RELN: variants seen among roughly 807,000 people sequenced by gnomAD.
RELN encodes the protein reelin.
RELN carries 108 observed loss-of-function variants against 427.6 expected under a neutral mutation model. That is an observed-to-expected ratio of 0.25 (90% confidence interval 0.22 to 0.30). RELN has a LOEUF of 0.30. RELN is among the 10% of genes least tolerant of loss of function. RELN has a pLI of 1.00. For synonymous variants in RELN, 1,524 were observed against 1,513.4 expected, an observed-to-expected ratio of 1.01 and a Z score of -0.16; for missense variants, 3,715 against 4,302.8, an observed-to-expected ratio of 0.86 and a Z score of 3.82.
intron 41 of RELN, among the ~76,000 whole-genome samples, chr7:103,545,938 TTCTG>T (rs1298190040): frequency 6.6e-6 from 1 of 152,204 alleles, no homozygotes; most frequent in African/African-American, 2.4e-5. Context: ...ACCCGGCCCC[TTCTG>T]TCTATTTAAT....
intron 2 of RELN, among the ~76,000 whole-genome samples, chr7:103,881,469 T>G (rs1187645985): frequency 6.7e-6 from 1 of 149,050 alleles, no homozygotes; most frequent in Non-Finnish European, 1.5e-5. Context: ...TCAACAAACC[T>G]AAAGCTCTTT....
At chr7:103,677,627 G>A (rs1034003375) in intron 11 of RELN, among the ~76,000 whole-genome samples, 9 of 150,312 alleles carry the variant, frequency 6.0e-5, no homozygotes, top group Non-Finnish European at 1.2e-4. Flanking sequence ...TTAGCTGGGC[G>A]TGGCGGTACG....
chr7:103,764,500 T>G (rs1313975664), intron 4 of RELN, among the ~76,000 whole-genome samples: 1 of 151,718 alleles, frequency 6.6e-6, no homozygotes, highest in Non-Finnish European at 1.5e-5. Flanking sequence ...GCTAGGGAGA[T>G]GAAAATTATA....
At chr7:103,829,710 T>A (rs1036832752) in intron 3 of RELN, among the ~76,000 whole-genome samples, 7 of 151,988 alleles carry the variant, frequency 4.6e-5, no homozygotes, top group African/African-American at 1.7e-4. Context: ...CAAATGACTA[T>A]GTGGCTAAGT....
Position 103,824,233 on chromosome 7 carries a change from A to T in RELN, c.473+9304T>A, listed in dbSNP as rs967631575. ...TTATTATTTTTATTCTCTCCTTCTA[A>T]AACTTCAATTAGATGTTAATTTCTT... On this transcript the variant is annotated intron_variant, in intron 3 of 64. Coordinates refer to ENST00000428762, the MANE Select transcript of RELN (RefSeq NM_005045.4). This position sits in a 1 kb window ranked among gnomAD's most constrained non-coding sequence, Gnocchi z 4.4. Among the ~76,000 whole-genome samples the T allele has an allele frequency of 2.0e-5, 3 of 152,050 alleles. No individual in the cohort carries two copies. Among genetic ancestry groups the T allele is most frequent in the African/African-American group, 7.2e-5 (3 of 41,412 alleles).
intron 19 of RELN, 100 bp downstream of exon 19, chr7:103,635,325 T>A: frequency 7.5e-7 from 1 of 1,326,626 alleles, no homozygotes; most frequent in Non-Finnish European, 1.1e-6. Context: ...GCTCCATCTG[T>A]CAATGGAAAA....
chr7:103,785,414 T>C (rs531596982), intron 3 of RELN, among the ~76,000 whole-genome samples: 2 of 152,108 alleles, frequency 1.3e-5, no homozygotes, highest in Admixed American at 6.6e-5. Flanking sequence ...GTCTGTAAAT[T>C]TGCTGAAAGA....
In RELN at chr7:103,519,312, C is replaced by G. The variant is rs753148540; in HGVS notation, c.7862+11G>C. The G allele has an allele frequency of 1.0e-5, 16 of 1,605,090 alleles. No homozygotes were observed. In the South Asian group the frequency reaches 1.4e-4, roughly 14 times the overall value. On this transcript the variant is annotated intron_variant, in intron 49 of 64. Transcript: ENST00000428762. Reference sequence around the variant, plus strand: ...ATGTACTCGTTATTAGATATCAAATCGAATACAAACCCGGGCTTACTGTAC... The same window carrying G: ...ATGTACTCGTTATTAGATATCAAATGGAATACAAACCCGGGCTTACTGTAC...
At chr7:103,884,312 C>T (rs2116570389) in intron 2 of RELN, among the ~76,000 whole-genome samples, 1 of 152,268 alleles carries the variant, frequency 6.6e-6, no homozygotes, top group East Asian at 1.9e-4. Flanking sequence ...AATGCAAGAC[C>T]TGAAACCATA....
intron 1 of RELN, among the ~76,000 whole-genome samples, chr7:103,925,513 G>A (rs891620965): frequency 1.3e-5 from 2 of 151,980 alleles, no homozygotes; most frequent in African/African-American, 4.8e-5. Context: ...TTTTATATGA[G>A]GCTGGATAAT....
intron 1 of RELN, among the ~76,000 whole-genome samples, chr7:103,957,045 G>A (rs1368307990): frequency 6.6e-6 from 1 of 152,156 alleles, no homozygotes; most frequent in Non-Finnish European, 1.5e-5. Flanking sequence ...AAAACTGGCA[G>A]TGTGCAGGGA....
chr7:103,876,259 A>C (rs1794475491), intron 2 of RELN, among the ~76,000 whole-genome samples: 1 of 152,150 alleles, frequency 6.6e-6, no homozygotes, highest in Non-Finnish European at 1.5e-5. Context: ...CCCTGCAAAT[A>C]CATTAGCTTC....
chr7:103,644,153 A>G (rs1055446170), intron 16 of RELN, among the ~76,000 whole-genome samples: 1 of 151,866 alleles, frequency 6.6e-6, no homozygotes, highest in African/African-American at 2.4e-5. Flanking sequence ...AAATAATGAG[A>G]TAGTTTCTTG....
intron 1 of RELN, among the ~76,000 whole-genome samples, chr7:103,947,657 T>C (rs949639058): frequency 6.6e-6 from 1 of 152,220 alleles, no homozygotes; most frequent in South Asian, 2.1e-4. Flanking sequence ...CAGTTTGTAG[T>C]ACTTTGTTAC....
At chr7:103,480,730 G>T (rs1404491134) in intron 63 of RELN, among the ~76,000 whole-genome samples, 2 of 152,148 alleles carry the variant, frequency 1.3e-5, no homozygotes, top group Non-Finnish European at 2.9e-5. Flanking sequence ...ATACATAAAA[G>T]CATATGGTGG....
chr7:103,646,019 G>C (rs1832789308), intron 16 of RELN, among the ~76,000 whole-genome samples: 1 of 151,688 alleles, frequency 6.6e-6, no homozygotes, highest in Non-Finnish European at 1.5e-5. Context: ...TAAACAACCT[G>C]CTCCTGAATG....
chr7:103,739,907 C>G (rs1263125259), intron 6 of RELN, among the ~76,000 whole-genome samples: 1 of 152,204 alleles, frequency 6.6e-6, no homozygotes, highest in African/African-American at 2.4e-5. Context: ...AACAGCAGAA[C>G]AGTCTCCATG....
intron 3 of RELN, among the ~76,000 whole-genome samples, chr7:103,786,315 T>C (rs531274640): frequency 1.1e-4 from 16 of 151,936 alleles, no homozygotes; most frequent in African/African-American, 2.9e-4. Context: ...GTTTAAAAAA[T>C]TGCTTCCCTA....
intron 11 of RELN, among the ~76,000 whole-genome samples, chr7:103,668,196 C>T (rs1833314380): frequency 6.6e-6 from 1 of 152,262 alleles, no homozygotes; most frequent in Non-Finnish European, 1.5e-5. Context: ...CACCACTGCA[C>T]TCCAGCCTGG....
Sources: allele counts gnomAD v4.1 joint callset (sites outside exome capture counted in the v4.1 genomes callset), GRCh38; gene constraint gnomAD v4.1.1; non-coding constraint Gnocchi (gnomAD v3.1); transcripts MANE v1.5; gene names NCBI Gene and HGNC (gene_info 2026-07-23, HGNC 2026-07-21).